Variants in LRRC38 observed in about 807,000 individuals in gnomAD.
LRRC38 encodes leucine rich repeat containing 38.
Under a neutral mutation model 16.4 loss-of-function variants are expected in LRRC38, and 5 were observed. The observed-to-expected ratio is 0.31, with a 90% CI of 0.16 to 0.64. The LOEUF (loss-of-function observed/expected upper bound fraction) is 0.64. Among genes scored for constraint, LRRC38 ranks in the 30% least tolerant of loss-of-function variants. The pLI, the probability that LRRC38 is intolerant of heterozygous loss-of-function variation, is 0.80. For missense variants in LRRC38, 341 were observed against 401.8 expected (o/e 0.85, Z 1.29); for synonymous variants, 191 against 190.2 (o/e 1.00, Z -0.04).
chr1:13,493,066 C>T (rs1474264264), intron 1 of LRRC38, among the ~76,000 whole-genome samples: 1 of 152,242 alleles, frequency 6.6e-6, no homozygotes, highest in African/African-American at 2.4e-5. Flanking sequence ...GCAGGCATCT[C>T]ACCCTCGGCT....
In LRRC38 at chr1:13,484,913, G is replaced by A. The variant is rs550566581; in HGVS notation, c.632-8814C>T. ...TTATCCAGCTAAGAATGGAAGAGCCGGGATCTAGAATCAGGTGGTCTCACC... is the reference window on the plus strand; with the variant it reads ...TTATCCAGCTAAGAATGGAAGAGCCAGGATCTAGAATCAGGTGGTCTCACC... On this transcript the variant is annotated intron_variant, in intron 1 of 1. Coordinates refer to ENST00000376085, the MANE Select transcript of LRRC38 (RefSeq NM_001010847.2). Among the ~76,000 whole-genome samples, 18 of 152,318 alleles carry A rather than the reference G, an allele frequency of 1.2e-4. No homozygotes were observed. In the South Asian group the frequency reaches 2.7e-3, roughly 23 times the overall value.
chr1:13,501,183 A>G (rs1474310597), intron 1 of LRRC38, among the ~76,000 whole-genome samples: 1 of 151,984 alleles, frequency 6.6e-6, no homozygotes, highest in African/African-American at 2.4e-5. Context: ...ATTAGTATAT[A>G]CTAAATAGTA....
At chr1:13,477,422 T>C (rs753725511) in intron 1 of LRRC38, among the ~76,000 whole-genome samples, 6 of 152,132 alleles carry the variant, frequency 3.9e-5, no homozygotes, top group Admixed American at 6.5e-5. Flanking sequence ...GGTAGAAAGA[T>C]AAAGAAAGTC....
intron 1 of LRRC38, among the ~76,000 whole-genome samples, chr1:13,504,851 GAAAAGAA>G (rs1557504615): frequency 7.5e-6 from 1 of 132,584 alleles, no homozygotes; most frequent in Non-Finnish European, 1.5e-5. Flanking sequence ...AGAAAGAAAA[GAAAAGAA>G]AAAAGAAAAA....
At position 13,498,612 on chromosome 1, in the gene LRRC38, C is replaced by T. The variant is rs183303414; in HGVS notation, c.631+14351G>A. 2.4e-4 allele frequency among the ~76,000 whole-genome samples: 36 copies of T among 152,264 alleles called. No individual in the cohort carries two copies. The East Asian group carries it at 6.9e-3, about 29-fold the overall frequency. On this transcript the variant is annotated intron_variant, in intron 1 of 1. Coordinates refer to ENST00000376085, the MANE Select transcript of LRRC38 (RefSeq NM_001010847.2). ...CGCCACTGCACTCCAGCCTGAGTGA[C>T]AGAGCGAGACTCTGTCTCAAAAAAC...
intron 1 of LRRC38, among the ~76,000 whole-genome samples, chr1:13,478,761 T>TG (rs1284455244): frequency 1.3e-5 from 2 of 152,128 alleles, no homozygotes; most frequent in Non-Finnish European, 2.9e-5. Context: ...GCAACCACCC[T>TG]GGGGGGGTTT....
At chr1:13,490,438 C>A (rs1224867184) in intron 1 of LRRC38, among the ~76,000 whole-genome samples, 6 of 152,136 alleles carry the variant, frequency 3.9e-5, no homozygotes. Flanking sequence ...GGATTACAGG[C>A]GTGAGCCACT....
chr1:13,495,108 A>G (rs552325283), intron 1 of LRRC38, among the ~76,000 whole-genome samples: 1 of 152,324 alleles, frequency 6.6e-6, no homozygotes, highest in East Asian at 1.9e-4. Context: ...GTCAGGGACA[A>G]AGATCCTGGA....
chr1:13,513,998 A>G lies in LRRC38; in HGVS notation c.-405T>C, dbSNP rs1193313312. ...GCGCGCACCGGGCGGGCTGCACTCG[A>G]CGTCTAAGTTCAGCTACCAAGCCCA... On this transcript the variant is annotated 5_prime_UTR_variant, in exon 1 of 2. Coordinates refer to ENST00000376085, the MANE Select transcript of LRRC38 (RefSeq NM_001010847.2). 1.3e-5 allele frequency: 2 copies of G among 151,810 alleles called. No individual in the cohort carries two copies. The highest frequency in any genetic ancestry group is 2.9e-5 in the Non-Finnish European group (2 of 67,938). 9.4% of individuals were successfully genotyped at this position (151,810 alleles called of 1,614,324 possible).
chr1:13,500,033 C>T (rs1024969823), intron 1 of LRRC38, among the ~76,000 whole-genome samples: 1 of 151,974 alleles, frequency 6.6e-6, no homozygotes, highest in Non-Finnish European at 1.5e-5. Flanking sequence ...GGCAGATCAC[C>T]TGAGGGCAGG....
At chr1:13,480,889 C>T (rs1033352998) in intron 1 of LRRC38, among the ~76,000 whole-genome samples, 3 of 152,124 alleles carry the variant, frequency 2.0e-5, no homozygotes, top group African/African-American at 7.2e-5. Flanking sequence ...AACTGCTGTC[C>T]TCAAGCAATC....
chr1:13,509,659 G>A (rs370507985), intron 1 of LRRC38, among the ~76,000 whole-genome samples: 77 of 152,258 alleles, frequency 5.1e-4, no homozygotes, highest in African/African-American at 1.8e-3. Flanking sequence ...TGGAGGTCAC[G>A]TGCCTCCCCA....
chr1:13,507,930 G>T (rs557057853), intron 1 of LRRC38, among the ~76,000 whole-genome samples: 9 of 150,452 alleles, frequency 6.0e-5, no homozygotes, highest in East Asian at 2.0e-4. Context: ...GCATTCAGGG[G>T]TTTAAAAAAA....
In LRRC38 at chr1:13,513,252, G is replaced by T; in HGVS notation, c.342C>A (p.Asn114Lys). The T allele has an allele frequency of 1.9e-6, 3 of 1,550,482 alleles. No individual in the cohort carries two copies. Among genetic ancestry groups the T allele is most frequent in the Non-Finnish European group, 2.6e-6 (3 of 1,146,954 alleles). The stretch of plus-strand genomic sequence containing the variant: ...CGCCGGCGCCCAGCTGGGTCAAGTT[G>T]TTGTAGCTGAGGTCGAGGAACACGA... ...AKLVFLDLSY[N>K]NLTQLGAGAF... is the part of the protein sequence containing the mutation. Residue 114 changes from asparagine (N) to lysine (K), a missense_variant, in exon 1 of 2, where the codon AAC becomes AAA. By Grantham distance (94) the Asn-to-Lys change is moderately conservative. Transcript: ENST00000376085.
chr1:13,494,183 C>A (rs1167875422), intron 1 of LRRC38, among the ~76,000 whole-genome samples: 2 of 152,176 alleles, frequency 1.3e-5, no homozygotes, highest in Admixed American at 1.3e-4. Context: ...CTCACACATA[C>A]CCCTAGGTTG....
intron 1 of LRRC38, among the ~76,000 whole-genome samples, chr1:13,501,056 A>T (rs890083927): frequency 1.2e-4 from 18 of 152,182 alleles, no homozygotes; most frequent in African/African-American, 3.6e-4. Flanking sequence ...ATGAACCCTC[A>T]TGTAAACTTG....
At chr1:13,498,008 T>TTAAA (rs1427878654) in intron 1 of LRRC38, among the ~76,000 whole-genome samples, 1 of 143,626 alleles carries the variant, frequency 7.0e-6, no homozygotes, top group East Asian at 2.0e-4. Flanking sequence ...ATATGCTGGA[T>TTAAA]TAAAAAAATA....
chr1:13,511,960 AT>A (rs957715001), intron 1 of LRRC38, among the ~76,000 whole-genome samples: 5 of 152,212 alleles, frequency 3.3e-5, no homozygotes, highest in Non-Finnish European at 5.9e-5. Flanking sequence ...GGAAAAAAAA[AT>A]ATTCTGAAGC....
chr1:13,505,410 A>G (rs1426677782), intron 1 of LRRC38, among the ~76,000 whole-genome samples: 1 of 152,156 alleles, frequency 6.6e-6, no homozygotes, highest in Non-Finnish European at 1.5e-5. Context: ...GGCAATCCGG[A>G]TATGCTTTGC....
Sources: gnomAD v4.1 joint callset for allele counts (sites outside exome capture counted in the v4.1 genomes callset) on GRCh38, gnomAD v4.1.1 for gene constraint, MANE v1.5 for transcripts, NCBI Gene and HGNC (gene_info 2026-07-23, HGNC 2026-07-21) for gene names.